The following NBAS variants were observed in gnomAD, a reference collection of about 807,000 sequenced individuals.
NBAS encodes NAG/BC035112 fusion.
In NBAS, 219 loss-of-function variants were observed where a neutral mutation model predicts 302.5. The ratio of observed to expected loss-of-function variants is 0.72; its 90% CI spans 0.65 to 0.81. The LOEUF is 0.81. Ranked by LOEUF, NBAS falls within the 30% of genes least tolerant of loss-of-function variation. NBAS has a pLI of 0.00. For synonymous variants in NBAS, 1,118 were observed against 1,021.6 expected (o/e 1.09, Z -1.80); for missense variants, 2,932 against 2,841.6 (o/e 1.03, Z -0.72).
the NBAS span, among the ~76,000 whole-genome samples, chr2:15,156,911 C>T: frequency 0.014 from 2,085 of 152,276 alleles, 46 homozygotes; most frequent in African/African-American, 0.047. Context: ...CTCAGTGTTT[C>T]TTAACCTTTC....
intron 50 of NBAS, among the ~76,000 whole-genome samples, chr2:15,184,547 T>G (rs2125128315): frequency 6.6e-6 from 1 of 152,060 alleles, no homozygotes; most frequent in Admixed American, 6.6e-5. Context: ...CAATAGAGCT[T>G]GTGCTCCTAT....
At position 15,396,493 on chromosome 2, in the gene NBAS, GA is replaced by G. The variant is rs767545222; in HGVS notation, c.3072-19del. 2.5e-3 allele frequency: 3,311 copies of G among 1,339,518 alleles called. No individual in the cohort carries two copies. The highest frequency in any genetic ancestry group is 5.3e-3 in the Admixed American group (207 of 38,920). 83.0% of individuals were successfully genotyped at this position (1,339,518 alleles called of 1,614,324 possible). The stretch of plus-strand genomic sequence containing the variant: ...TCTTATCACTAATAAATTAAAAGAA[GA>G]AAAAAAAAAGCCCTTAAGTTTAGTA... On this transcript the variant is annotated intron_variant, in intron 26 of 51. Coordinates refer to ENST00000281513, the MANE Select transcript of NBAS (RefSeq NM_015909.4).
At chr2:15,519,151 T>C (rs1042886885) in intron 9 of NBAS, among the ~76,000 whole-genome samples, 9 of 152,204 alleles carry the variant, frequency 5.9e-5, no homozygotes, top group African/African-American at 9.7e-5. Flanking sequence ...AGACATTCCT[T>C]TCACCCATTA....
the NBAS span, among the ~76,000 whole-genome samples, chr2:14,906,487 G>T: frequency 1.3e-5 from 2 of 152,204 alleles, no homozygotes; most frequent in Non-Finnish European, 1.5e-5. Context: ...CTCTGCCTGT[G>T]ATGTGAACCC....
At chr2:14,832,653 GA>G in the NBAS span, among the ~76,000 whole-genome samples, 1 of 152,182 alleles carries the variant, frequency 6.6e-6, no homozygotes, top group African/African-American at 2.4e-5. Flanking sequence ...AGCCACTACT[GA>G]AATAGGACTG....
the NBAS span, among the ~76,000 whole-genome samples, chr2:14,907,378 G>A: frequency 2.6e-5 from 4 of 152,154 alleles, no homozygotes; most frequent in Non-Finnish European, 4.4e-5. Context: ...ACAAACCCAG[G>A]GCAAAACAGC....
At chr2:15,252,674 A>T (rs1418332409) in intron 44 of NBAS, among the ~76,000 whole-genome samples, 2 of 152,086 alleles carry the variant, frequency 1.3e-5, no homozygotes, top group East Asian at 1.9e-4. Context: ...TTAACTAATT[A>T]AAAAAATACA....
the NBAS span, among the ~76,000 whole-genome samples, chr2:15,118,939 T>G: frequency 6.6e-6 from 1 of 152,306 alleles, no homozygotes; most frequent in African/African-American, 2.4e-5. Flanking sequence ...TAACGCAGTG[T>G]GAGTTAAACA....
chr2:15,295,931 C>CA (rs200407387), intron 40 of NBAS, among the ~76,000 whole-genome samples: 369 of 132,522 alleles, frequency 2.8e-3, no homozygotes, highest in African/African-American at 6.6e-3. Flanking sequence ...TATGAGGTAC[C>CA]AAAAAAAAAA....
chr2:15,532,488 C>CAA (rs896529713), intron 9 of NBAS, among the ~76,000 whole-genome samples: 83 of 46,908 alleles, frequency 1.8e-3, no homozygotes, highest in Middle Eastern at 0.013. Flanking sequence ...GACTCCATCT[C>CAA]AAAAAAAAAA....
the NBAS span, among the ~76,000 whole-genome samples, chr2:15,101,920 T>A: frequency 6.6e-6 from 1 of 152,226 alleles, no homozygotes; most frequent in Non-Finnish European, 1.5e-5. Flanking sequence ...TAAGGGCAGA[T>A]CCTCTGCGCT....
At chr2:14,984,355 C>T in the NBAS span, among the ~76,000 whole-genome samples, 3 of 152,154 alleles carry the variant, frequency 2.0e-5, no homozygotes, top group Non-Finnish European at 4.4e-5. Context: ...GAGACTTTTG[C>T]ACTTCGGCTA....
intron 11 of NBAS, among the ~76,000 whole-genome samples, chr2:15,503,056 T>C (rs1446134090): frequency 6.6e-6 from 1 of 152,184 alleles, no homozygotes; most frequent in Non-Finnish European, 1.5e-5. Context: ...AATACACACA[T>C]CAGCCTAGGC....
intron 40 of NBAS, among the ~76,000 whole-genome samples, chr2:15,304,841 C>T (rs1257835122): frequency 1.3e-5 from 2 of 152,106 alleles, no homozygotes; most frequent in East Asian, 3.9e-4. Context: ...CTCTTAAAAG[C>T]AATCAGTTTT....
the NBAS span, among the ~76,000 whole-genome samples, chr2:15,061,671 C>T: frequency 6.6e-6 from 1 of 152,132 alleles, no homozygotes; most frequent in Non-Finnish European, 1.5e-5. Context: ...GCTGGCTTCG[C>T]CCAGGACCCC....
chr2:15,270,522 T>G (rs889433539), intron 44 of NBAS, among the ~76,000 whole-genome samples: 1 of 152,204 alleles, frequency 6.6e-6, no homozygotes, highest in Non-Finnish European at 1.5e-5. Context: ...ACAAAAACTC[T>G]TTAGAATCCT....
chr2:14,936,390 A>G, the NBAS span, among the ~76,000 whole-genome samples: 1 of 152,246 alleles, frequency 6.6e-6, no homozygotes, highest in Non-Finnish European at 1.5e-5. Context: ...ATATGCTAGG[A>G]CACATCAGTG....
intron 38 of NBAS, among the ~76,000 whole-genome samples, chr2:15,315,753 T>C (rs1302624011): frequency 6.6e-6 from 1 of 152,232 alleles, no homozygotes; most frequent in African/African-American, 2.4e-5. Context: ...CATGACTTTT[T>C]TTCTCCCACA....
the NBAS span, among the ~76,000 whole-genome samples, chr2:14,945,475 A>T: frequency 6.6e-6 from 1 of 152,246 alleles, no homozygotes; most frequent in African/African-American, 2.4e-5. Context: ...AGATGGCAAT[A>T]TATGAGCTCT....
Sources: gnomAD v4.1 joint callset for allele counts (sites outside exome capture counted in the v4.1 genomes callset) on GRCh38, gnomAD v4.1.1 for gene constraint, MANE v1.5 for transcripts, NCBI Gene and HGNC (gene_info 2026-07-23, HGNC 2026-07-21) for gene names.